KIF12: variants seen among roughly 807,000 people sequenced by gnomAD.
KIF12 encodes kinesin family member 12, also known as kinesin-like protein KIF12.
Under a neutral mutation model 87.9 loss-of-function variants are expected in KIF12, and 80 were observed. The observed-to-expected ratio is 0.91, with a 90% CI of 0.76 to 1.10. The LOEUF (loss-of-function observed/expected upper bound fraction) is 1.10. Ranked by LOEUF, KIF12 falls within the 50% of genes least tolerant of loss-of-function variation. KIF12 has a pLI of 0.00. For synonymous variants in KIF12, 353 were observed against 348.5 expected, an observed-to-expected ratio of 1.01 and a Z score of -0.14; for missense variants, 819 against 865.3, an observed-to-expected ratio of 0.95 and a Z score of 0.67.
intron 7 of KIF12, 45 bp from the exon 8 acceptor site, chr9:114,096,523 G>A: frequency 1.4e-6 from 2 of 1,474,664 alleles, no homozygotes; most frequent in South Asian, 1.2e-5. Flanking sequence ...AGGAAGAACA[G>A]GTCATCATCA....
At chr9:114,094,927 G>C in intron 11 of KIF12, 96 bp downstream of exon 11, 1 of 1,117,930 alleles carries the variant, frequency 8.9e-7, no homozygotes, top group Non-Finnish European at 1.3e-6. Flanking sequence ...CTTTGACCCA[G>C]TCCAAGACTT....
At chr9:114,096,844 C>G (rs946699026) in intron 7 of KIF12, among the ~76,000 whole-genome samples, 59 of 151,590 alleles carry the variant, frequency 3.9e-4, no homozygotes, top group African/African-American at 1.4e-3. Flanking sequence ...GGAGGGGTGC[C>G]CAATAAATAC....
chr9:114,094,136 G>A (rs761716127), intron 13 of KIF12, 45 bp downstream of exon 13: 29 of 1,572,622 alleles, frequency 1.8e-5, no homozygotes, highest in Non-Finnish European at 1.0e-5. Flanking sequence ...GCCTAGCAGT[G>A]ATGGGTGGGG....
chr9:114,096,071 T>A lies in KIF12; in HGVS notation c.875A>T (p.Asn292Ile). 1.2e-6 allele frequency: 2 copies of A among 1,612,940 alleles called. No homozygotes were observed. Among genetic ancestry groups the A allele is most frequent in the African/African-American group, 1.3e-5 (1 of 74,988 alleles). The change falls in exon 9 of 19, where the codon AAC becomes ATC. Residue 292 changes from asparagine to isoleucine, a missense_variant. By Grantham distance (149) the Asn-to-Ile change is moderately radical. Transcript: ENST00000640217. ...GELMLEANSI[N>I]RSLLALGHCI... ...CTCACCCAGGGCCAGCAGGCTTCGGTTGATGCTGTTAGCCTCAAGCATCAG... is the reference window on the plus strand; with the variant it reads ...CTCACCCAGGGCCAGCAGGCTTCGGATGATGCTGTTAGCCTCAAGCATCAG...
intron 17 of KIF12, 34 bp from the exon 18 acceptor site, chr9:114,092,485 G>C (rs1190409310): frequency 6.2e-7 from 1 of 1,613,576 alleles, no homozygotes; most frequent in South Asian, 1.1e-5. Context: ...TGGGAGGTGA[G>C]CCTTTGAGTT....
At chr9:114,095,815 C>T (rs777238745) in intron 9 of KIF12, among the ~76,000 whole-genome samples, 1 of 152,184 alleles carries the variant, frequency 6.6e-6, no homozygotes, top group Non-Finnish European at 1.5e-5. Flanking sequence ...GTTCTATTTC[C>T]CAAATTAGCA....
At chr9:114,093,812 A>T in intron 14 of KIF12, 74 bp downstream of exon 14, 1 of 1,272,454 alleles carries the variant, frequency 7.9e-7, no homozygotes, top group Non-Finnish European at 1.1e-6. Context: ...AGCCTCAAGC[A>T]GTTCATTAAG....
Position 114,098,461 on chromosome 9 carries a change from TCTGGAGGAGGGCGGGGCACC to T in KIF12, c.172-52_172-33del, listed in dbSNP as rs761997482. The stretch of plus-strand genomic sequence containing the variant: ...CGGGTGGGGCGGAGGAGCGGGGCAC[TCTGGAGGAGGGCGGGGCACC>T]CTGGAGGGGCGGGGCACCGTGGAGG... On this transcript the variant is annotated intron_variant, in intron 3 of 18. Coordinates refer to ENST00000640217, the MANE Select transcript of KIF12 (RefSeq NM_001388308.1). The T allele has an allele frequency of 3.3e-5, 47 of 1,427,498 alleles. No individual in the cohort carries two copies. In the East Asian group the frequency reaches 1.2e-3, roughly 36 times the overall value. The allele number at this position is 1,427,498 out of a possible 1,614,324, so 88.4% of individuals were successfully genotyped here.
chr9:114,099,185 C>G lies in KIF12; in HGVS notation c.27-16G>C. The G allele has an allele frequency of 1.3e-6, 2 of 1,549,882 alleles. No individual in the cohort carries two copies. The highest frequency in any genetic ancestry group is 1.7e-6 in the Non-Finnish European group (2 of 1,147,074). On this transcript the variant is annotated splice_polypyrimidine_tract_variant and intron_variant, in intron 1 of 18. Transcript: ENST00000640217. ...CGCGAGATCCCTGTGGGCAGCAATG[C>G]GACTTATCATACCTGCACCTAGCGG...
At position 114,094,252 on chromosome 9, in the gene KIF12, G is replaced by A. The variant is rs746361323; in HGVS notation, c.1242C>T (p.Ala414=). ...GGTTCCGCTGGGCCCAGGCCACCCGGGCTCCACTGAGCCCTGAGGCTGCAG... is the reference window on the plus strand; with the variant it reads ...GGTTCCGCTGGGCCCAGGCCACCCGAGCTCCACTGAGCCCTGAGGCTGCAG... ...MDCKASGLSG[A]RVAWAQRNLY... Residue 414 remains alanine (A), a synonymous_variant, in exon 13 of 19, where the codon GCC becomes GCT. Transcript: ENST00000640217. The A allele has an allele frequency of 1.2e-6, 2 of 1,614,048 alleles. No individual in the cohort carries two copies. The highest frequency in any genetic ancestry group is 1.3e-5 in the African/African-American group (1 of 75,032).
chr9:114,093,466 G>C lies in KIF12; in HGVS notation c.1432C>G (p.Gln478Glu), dbSNP rs1427621704. Residue 478 changes from glutamine to glutamate, a missense_variant, in exon 15 of 19, where the codon CAG becomes GAG. Coordinates refer to ENST00000640217, the MANE Select transcript of KIF12 (RefSeq NM_001388308.1). The part of the protein sequence containing the change: ...RLLSACYHHQ[Q>E]GPGLTPPCPC... ...CACGGTGGGGTCAGGCCAGGACCCT[G>C]CTGGTGATGGTAGCAGGCAGAGAGG... 5 of 1,565,002 alleles carry C rather than the reference G, an allele frequency of 3.2e-6. No homozygotes were observed. The highest frequency in any genetic ancestry group is 1.7e-4 in the Middle Eastern group (1 of 6,012).
At position 114,097,631 on chromosome 9, in the gene KIF12, A is replaced by G; in HGVS notation, c.486T>C (p.Ser162=). 1 of 1,612,222 alleles carries G rather than the reference A, an allele frequency of 6.2e-7. No individual in the cohort carries two copies. The highest frequency in any genetic ancestry group is 8.5e-7 in the Non-Finnish European group (1 of 1,179,308). ...CCTGCTCATTGTAGATCTCCAGATAAGAGGCGCGAAGGGTGACAGGGGCAC... is the reference window on the plus strand; with the variant it reads ...CCTGCTCATTGTAGATCTCCAGATAGGAGGCGCGAAGGGTGACAGGGGCAC... The part of the protein sequence containing the change: ...HLGAPVTLRA[S]YLEIYNEQVR... The change falls in exon 6 of 19, where the codon TCT becomes TCC. Residue 162 remains serine (S), a synonymous_variant. Coordinates refer to ENST00000640217, the MANE Select transcript of KIF12 (RefSeq NM_001388308.1).
intron 14 of KIF12, 129 bp from the exon 15 acceptor site, chr9:114,093,626 A>G: frequency 6.3e-6 from 5 of 788,888 alleles, no homozygotes; most frequent in South Asian, 1.6e-5. Flanking sequence ...AAAGTTTTAC[A>G]TGTTAACTTA....
chr9:114,094,843 T>G (rs1847145348), intron 11 of KIF12, among the ~76,000 whole-genome samples, 180 bp downstream of exon 11: 1 of 152,176 alleles, frequency 6.6e-6, no homozygotes, highest in Non-Finnish European at 1.5e-5. Flanking sequence ...AAACCTGGCA[T>G]GACCCTGGCT....
In KIF12 at chr9:114,098,328, C is replaced by T. The variant is rs896633446; in HGVS notation, c.273G>A (p.Arg91=). Residue 91 remains arginine, a synonymous_variant, in exon 4 of 19, where the codon CGG becomes CGA. Transcript: ENST00000640217. ...CGCGCAGCGCCAGCTCCCCCAGGCG[C>T]CGCACGCCGCACGCCCGGAACACGT... ...QEDVFRACGV[R]RLGELALRGF... 6.8e-7 allele frequency: 1 copy of T among 1,472,836 alleles called. No individual in the cohort carries two copies. Among genetic ancestry groups the T allele is most frequent in the Non-Finnish European group, 8.9e-7 (1 of 1,117,362 alleles). The allele number at this position is 1,472,836 out of a possible 1,614,324, so 91.2% of individuals were successfully genotyped here. A position where few individuals can be genotyped will look rare whatever the true frequency, so the allele number is the denominator to read the frequency against.
At position 114,096,481 on chromosome 9, in the gene KIF12, G is replaced by T; in HGVS notation, c.647-3C>A. 1 of 1,605,752 alleles carries T rather than the reference G, an allele frequency of 6.2e-7. No homozygotes were observed. On this transcript the variant is annotated splice_region_variant and splice_polypyrimidine_tract_variant and intron_variant, in intron 7 of 18. Coordinates refer to ENST00000640217, the MANE Select transcript of KIF12 (RefSeq NM_001388308.1). ...TGAGTTCCTTCGACGGCTGAGACCT[G>T]GAAGGGAAAAACATCAGGAGCTGGA...
chr9:114,097,893 A>T (rs1847304197), intron 5 of KIF12, 152 bp from the exon 6 acceptor site: 2 of 1,057,890 alleles, frequency 1.9e-6, no homozygotes, highest in Non-Finnish European at 2.7e-6. Flanking sequence ...CATTTTACAG[A>T]TGAGAAAACT....
chr9:114,098,051 G>T (rs1847309651), intron 5 of KIF12, 64 bp downstream of exon 5: 1 of 1,452,526 alleles, frequency 6.9e-7, no homozygotes, highest in Non-Finnish European at 9.2e-7. Flanking sequence ...CGCCGCCTGC[G>T]GCTCCCCAGG....
chr9:114,098,385 A>C lies in KIF12; in HGVS notation c.216T>G (p.Gly72=). 6.6e-7 allele frequency: 1 copy of C among 1,514,138 alleles called. No homozygotes were observed. Among genetic ancestry groups the C allele is most frequent in the Non-Finnish European group, 8.8e-7 (1 of 1,137,174 alleles). The allele number at this position is 1,514,138 out of a possible 1,614,324, so 93.8% of individuals were successfully genotyped here. A position where few individuals can be genotyped will look rare whatever the true frequency, so the allele number is the denominator to read the frequency against. ...GCGTGCGCGCCGCGTCTAGCACCGCACCGAAGCGGAACGCCACTTCTGGAC... is the reference window on the plus strand; with the variant it reads ...GCGTGCGCGCCGCGTCTAGCACCGCCCCGAAGCGGAACGCCACTTCTGGAC... ...GGGPEVAFRF[G]AVLDAARTQE... The change falls in exon 4 of 19, where the codon GGT becomes GGG. Residue 72 remains glycine (G), a synonymous_variant. Coordinates refer to ENST00000640217, the MANE Select transcript of KIF12 (RefSeq NM_001388308.1).
Sources: allele counts gnomAD v4.1 joint callset (sites outside exome capture counted in the v4.1 genomes callset), GRCh38; gene constraint gnomAD v4.1.1; transcripts MANE v1.5; gene names NCBI Gene and HGNC (gene_info 2026-07-23, HGNC 2026-07-21).